Variants in CDH9 observed in about 807,000 individuals in gnomAD.
CDH9 encodes the protein cadherin 9.
A neutral mutation model predicts 70.9 loss-of-function variants in CDH9; 28 were observed. The ratio of observed to expected loss-of-function variants is 0.40; its 90% confidence interval spans 0.29 to 0.54. The LOEUF is 0.54. Among genes scored for constraint, CDH9 ranks in the 20% least tolerant of loss-of-function variants. CDH9 has a pLI of 0.59. For missense variants in CDH9, 874 were observed against 984.4 expected (o/e 0.89, Z 1.50); for synonymous variants, 409 against 343.1 (o/e 1.19, Z -2.12).
rs1561182176 is a variant in CDH9 at position 26,885,643 on chromosome 5, GCAA to G, written c.1850_1852del (p.Val617del). 1 of 1,613,302 alleles carries G rather than the reference GCAA, an allele frequency of 6.2e-7. No homozygotes were observed. Among genetic ancestry groups the G allele is most frequent in the Non-Finnish European group, 8.5e-7 (1 of 1,179,740 alleles). ...CAGTATGAGGACACAGAGTAGAATC[GCAA>G]CGAGAGCTCCCGTGCTCAGGCCGGC... On this transcript the variant is annotated inframe_deletion, in exon 11 of 12. Transcript: ENST00000231021.
intron 1 of CDH9, among the ~76,000 whole-genome samples, chr5:26,992,398 T>C (rs539896425): frequency 3.2e-4 from 48 of 152,328 alleles, no homozygotes; most frequent in African/African-American, 1.1e-3. Flanking sequence ...GAGGGTTCTC[T>C]TGCCTTTTGA....
intron 1 of CDH9, among the ~76,000 whole-genome samples, chr5:27,023,159 T>C (rs1376753543): frequency 6.6e-6 from 1 of 152,084 alleles, no homozygotes; most frequent in African/African-American, 2.4e-5. Context: ...TCCCATCCAT[T>C]GCTCTCTTTA....
Position 26,884,833 on chromosome 5 carries a change from G to A in CDH9, c.1882+781C>T, listed in dbSNP as rs199696023. ...AATTTTTTGGGGAATGTTTTCCAGT[G>A]GAACAACTGTTTAATTGAATTAAAT... is the stretch of plus-strand genomic sequence containing the variant. On this transcript the variant is annotated intron_variant, in intron 11 of 11. Coordinates refer to ENST00000231021, the MANE Select transcript of CDH9 (RefSeq NM_016279.4). Among the ~76,000 whole-genome samples the A allele has an allele frequency of 7.2e-5, 11 of 152,196 alleles. No individual in the cohort carries two copies. In the East Asian group the frequency reaches 2.1e-3, roughly 29 times the overall value.
At chr5:26,914,867 A>G (rs1327382091) in intron 3 of CDH9, among the ~76,000 whole-genome samples, 4 of 152,020 alleles carry the variant, frequency 2.6e-5, no homozygotes, top group Admixed American at 6.6e-5. Flanking sequence ...GTTATTTTAG[A>G]AATATTTTTA....
At chr5:27,001,770 G>A (rs959984254) in intron 1 of CDH9, among the ~76,000 whole-genome samples, 2 of 151,254 alleles carry the variant, frequency 1.3e-5, no homozygotes, top group Non-Finnish European at 2.9e-5. Context: ...ATTAGAGAAG[G>A]AAATACATGA....
Position 26,882,341 on chromosome 5 carries a change from G to A in CDH9, c.1883-718C>T, listed in dbSNP as rs564194422. Reference sequence around the variant, plus strand: ...AGGACTTCCTTGACATACAAGGTCCGATTTAAGCTTTTGGAATGAAACGTT... The same window carrying A: ...AGGACTTCCTTGACATACAAGGTCCAATTTAAGCTTTTGGAATGAAACGTT... On this transcript the variant is annotated intron_variant, in intron 11 of 11. Coordinates refer to ENST00000231021, the MANE Select transcript of CDH9 (RefSeq NM_016279.4). Among the ~76,000 whole-genome samples the A allele has an allele frequency of 3.9e-5, 6 of 152,088 alleles. No individual in the cohort carries two copies. The East Asian group carries it at 7.8e-4, about 20-fold the overall frequency.
intron 1 of CDH9, among the ~76,000 whole-genome samples, chr5:27,013,675 G>T (rs188015509): frequency 6.6e-6 from 1 of 151,704 alleles, no homozygotes; most frequent in Admixed American, 6.6e-5. Flanking sequence ...CCTACCAACC[G>T]ACCTGTGATG....
At chr5:27,020,961 T>C (rs2112125253) in intron 1 of CDH9, among the ~76,000 whole-genome samples, 1 of 151,942 alleles carries the variant, frequency 6.6e-6, no homozygotes, top group Middle Eastern at 3.4e-3. Context: ...ATCCTTAATT[T>C]TGGGAAGTGT....
intron 2 of CDH9, among the ~76,000 whole-genome samples, chr5:26,977,741 C>T (rs1336576183): frequency 6.6e-6 from 1 of 151,962 alleles, no homozygotes; most frequent in African/African-American, 2.4e-5. Context: ...CTAAAATTGG[C>T]ATACACATGC....
intron 1 of CDH9, among the ~76,000 whole-genome samples, chr5:27,016,175 C>T (rs1021018939): frequency 6.6e-6 from 1 of 151,702 alleles, no homozygotes; most frequent in Non-Finnish European, 1.5e-5. Context: ...CTTGACAATA[C>T]CAGCATGTGA....
intron 2 of CDH9, among the ~76,000 whole-genome samples, chr5:26,972,178 A>G (rs892873688): frequency 2.6e-5 from 4 of 152,278 alleles, no homozygotes; most frequent in South Asian, 4.2e-4. Context: ...ACTTATTTCA[A>G]AGGGGAAAAG....
chr5:26,886,375 A>C (rs920237365), intron 9 of CDH9, among the ~76,000 whole-genome samples: 2 of 152,048 alleles, frequency 1.3e-5, no homozygotes, highest in Non-Finnish European at 2.9e-5. Context: ...CAATCCCTCC[A>C]ATACCTATCC....
chr5:26,926,681 C>T (rs939593043), intron 2 of CDH9, among the ~76,000 whole-genome samples: 6 of 151,988 alleles, frequency 3.9e-5, no homozygotes, highest in African/African-American at 1.5e-4. Flanking sequence ...ATCATGCTAC[C>T]TGACTTCAAA....
At chr5:27,037,779 A>G (rs1743419489) in intron 1 of CDH9, among the ~76,000 whole-genome samples, 2 of 151,960 alleles carry the variant, frequency 1.3e-5, no homozygotes, top group Admixed American at 1.3e-4. Flanking sequence ...ACATTAAGAC[A>G]TATTTGCCTA....
At chr5:27,002,572 A>C (rs1017993991) in intron 1 of CDH9, among the ~76,000 whole-genome samples, 4 of 152,202 alleles carry the variant, frequency 2.6e-5, no homozygotes, top group African/African-American at 9.7e-5. Flanking sequence ...CATATACACC[A>C]TGGAATACTA....
intron 2 of CDH9, among the ~76,000 whole-genome samples, chr5:26,947,635 G>T (rs572814324): frequency 6.6e-6 from 1 of 152,140 alleles, no homozygotes; most frequent in Non-Finnish European, 1.5e-5. Flanking sequence ...TCTGCTATGG[G>T]TAATGACAAA....
chr5:26,881,882 C>G (rs536132459), intron 11 of CDH9, among the ~76,000 whole-genome samples: 97 of 152,182 alleles, frequency 6.4e-4, no homozygotes, highest in African/African-American at 2.3e-3. Context: ...TCAAGTACAA[C>G]TATTATATTT....
At chr5:27,015,013 C>A (rs1454207916) in intron 1 of CDH9, among the ~76,000 whole-genome samples, 3 of 151,796 alleles carry the variant, frequency 2.0e-5, no homozygotes, top group African/African-American at 7.3e-5. Flanking sequence ...TAGAAGACTG[C>A]GATGCAAGGA....
chr5:26,988,440 C>T lies in CDH9; in HGVS notation c.-49-58G>A, dbSNP rs538253512. On this transcript the variant is annotated intron_variant, in intron 1 of 11. Coordinates refer to ENST00000231021, the MANE Select transcript of CDH9 (RefSeq NM_016279.4). ...TAGCTTGAGTTTCACTTTCCCACAACGTGTAAACTGAAATACTTATTCCAG... is the reference window on the plus strand; with the variant it reads ...TAGCTTGAGTTTCACTTTCCCACAATGTGTAAACTGAAATACTTATTCCAG... The T allele has an allele frequency of 7.2e-5, 100 of 1,395,250 alleles. 1 individual carries two copies. The Middle Eastern group carries it at 7.2e-4, about 10-fold the overall frequency. The allele number at this position is 1,395,250 out of a possible 1,614,324, so 86.4% of individuals were successfully genotyped here. A position where few individuals can be genotyped will look rare whatever the true frequency, so the allele number is the denominator to read the frequency against.
Sources: allele counts gnomAD v4.1 joint callset (sites outside exome capture counted in the v4.1 genomes callset), GRCh38; gene constraint gnomAD v4.1.1; transcripts MANE v1.5; gene names NCBI Gene and HGNC (gene_info 2026-07-23, HGNC 2026-07-21).